NRG1: variants seen among roughly 807,000 people sequenced by gnomAD.
NRG1 encodes pro-neuregulin-1, membrane-bound isoform.
A neutral mutation model predicts 63.8 loss-of-function variants in NRG1; 18 were observed. The observed-to-expected ratio is 0.28, with a 90% CI of 0.19 to 0.42. The LOEUF is 0.42. NRG1 is among the 10% of genes least tolerant of loss of function. The pLI is 1.00. For synonymous variants in NRG1, 302 were observed against 301.3 expected (o/e 1.00, Z -0.02); for missense variants, 762 against 814.7 (o/e 0.94, Z 0.79).
At chr8:31,910,132 A>G (rs776394) in intron 1 of NRG1, among the ~76,000 whole-genome samples, 33,663 of 152,188 alleles carry the variant, frequency 0.22, 5,731 homozygotes, top group African/African-American at 0.48. Flanking sequence ...ACTCTGGGGA[A>G]ACAATATTTA....
chr8:31,920,006 G>A (rs1383908376), intron 1 of NRG1, among the ~76,000 whole-genome samples: 2 of 152,098 alleles, frequency 1.3e-5, no homozygotes, highest in Non-Finnish European at 2.9e-5. Context: ...CTGTTAGAAT[G>A]GTAGAATGGG....
chr8:31,705,520 C>T (rs761810888), intron 1 of NRG1, among the ~76,000 whole-genome samples: 2 of 152,134 alleles, frequency 1.3e-5, no homozygotes, highest in Admixed American at 6.5e-5. Context: ...ATGGAGAAAG[C>T]CTGTGTTCCT....
chr8:31,730,420 C>T (rs1012602121), intron 1 of NRG1, among the ~76,000 whole-genome samples: 3 of 152,122 alleles, frequency 2.0e-5, no homozygotes, highest in African/African-American at 7.2e-5. Context: ...GACACATTCA[C>T]TCATGCCCAT....
chr8:32,638,663 C>G (rs1851781620), intron 5 of NRG1, among the ~76,000 whole-genome samples: 1 of 152,164 alleles, frequency 6.6e-6, no homozygotes, highest in African/African-American at 2.4e-5. Flanking sequence ...AAATCTGACT[C>G]TAGCAACCTA....
At chr8:31,712,984 C>T (rs58179738) in intron 1 of NRG1, among the ~76,000 whole-genome samples, 26,812 of 132,570 alleles carry the variant, frequency 0.2, 3,290 homozygotes, top group East Asian at 0.64. Context: ...CATCCATCCA[C>T]CCATCCATCC....
intron 1 of NRG1, among the ~76,000 whole-genome samples, chr8:31,898,807 G>A (rs1005339280): frequency 2.0e-5 from 3 of 152,146 alleles, no homozygotes; most frequent in Non-Finnish European, 4.4e-5. Context: ...ATAAAATAAA[G>A]GTAATCTCCA....
chr8:31,791,416 A>G (rs905049053), intron 1 of NRG1, among the ~76,000 whole-genome samples: 1 of 152,082 alleles, frequency 6.6e-6, no homozygotes, highest in Non-Finnish European at 1.5e-5. Flanking sequence ...CTATATTAAC[A>G]CCATAGGGAA....
chr8:31,698,251 A>AT (rs764094682), intron 1 of NRG1, among the ~76,000 whole-genome samples: 1 of 152,084 alleles, frequency 6.6e-6, no homozygotes, highest in Non-Finnish European at 1.5e-5. Flanking sequence ...GAGATGTTTG[A>AT]TTTTATCCTT....
At chr8:32,273,909 A>G (rs555231456) in intron 1 of NRG1, among the ~76,000 whole-genome samples, 1 of 152,356 alleles carries the variant, frequency 6.6e-6, no homozygotes, top group East Asian at 1.9e-4. Flanking sequence ...TCTCCTGTCC[A>G]TAGAACAATT....
At chr8:31,757,617 A>G (rs1817103141) in intron 1 of NRG1, among the ~76,000 whole-genome samples, 2 of 152,110 alleles carry the variant, frequency 1.3e-5, no homozygotes, top group South Asian at 4.1e-4. Context: ...ATAAGACTTG[A>G]AGAAATCTTA....
intron 1 of NRG1, among the ~76,000 whole-genome samples, chr8:31,728,135 G>T (rs964166679): frequency 7.9e-5 from 12 of 152,144 alleles, no homozygotes; most frequent in Admixed American, 5.2e-4. Flanking sequence ...CTGAAACCAT[G>T]AGAAGTGAAA....
intron 1 of NRG1, among the ~76,000 whole-genome samples, chr8:31,820,833 TC>T (rs1823933994): frequency 6.6e-6 from 1 of 152,188 alleles, no homozygotes; most frequent in African/African-American, 2.4e-5. Context: ...ATTCATGCTG[TC>T]TGGATATACA....
intron 7 of NRG1, among the ~76,000 whole-genome samples, chr8:32,753,325 T>A (rs535965605): frequency 6.6e-6 from 1 of 152,308 alleles, no homozygotes; most frequent in East Asian, 1.9e-4. Flanking sequence ...GTTAAGAACC[T>A]GACCTACCTT....
intron 1 of NRG1, among the ~76,000 whole-genome samples, chr8:32,069,446 A>G (rs1825411449): frequency 6.6e-6 from 1 of 152,238 alleles, no homozygotes; most frequent in Admixed American, 6.5e-5. Context: ...TAAGGTGCAG[A>G]AAATGCTTAT....
chr8:32,642,460 C>T (rs749702996), intron 5 of NRG1, among the ~76,000 whole-genome samples: 23 of 152,218 alleles, frequency 1.5e-4, no homozygotes, highest in South Asian at 4.2e-4. Context: ...GGAAGGGCTT[C>T]GTCAAGGAGC....
chr8:31,686,503 T>A (rs530776369), intron 1 of NRG1, among the ~76,000 whole-genome samples: 1 of 152,280 alleles, frequency 6.6e-6, no homozygotes, highest in Admixed American at 6.5e-5. Context: ...CACTTCAACA[T>A]CAATAAAAAA....
At chr8:31,936,847 A>G (rs1429920403) in intron 1 of NRG1, among the ~76,000 whole-genome samples, 1 of 152,194 alleles carries the variant, frequency 6.6e-6, no homozygotes, top group East Asian at 1.9e-4. Flanking sequence ...AATGCATGTC[A>G]TAAGAACTTT....
At chr8:31,652,401 G>C (rs143116017) in intron 1 of NRG1, among the ~76,000 whole-genome samples, 24 of 152,250 alleles carry the variant, frequency 1.6e-4, no homozygotes, top group African/African-American at 4.1e-4. Context: ...AGAATAGATG[G>C]TACTGTGCTT....
At chr8:31,658,959 A>T (rs896078921) in intron 1 of NRG1, among the ~76,000 whole-genome samples, 3 of 152,220 alleles carry the variant, frequency 2.0e-5, no homozygotes, top group African/African-American at 7.2e-5. Flanking sequence ...GTCCTTTGAC[A>T]GGGTGCTGCT....
Sources: gnomAD v4.1 joint callset for allele counts (sites outside exome capture counted in the v4.1 genomes callset) on GRCh38, gnomAD v4.1.1 for gene constraint, MANE v1.5 for transcripts, NCBI Gene and HGNC (gene_info 2026-07-23, HGNC 2026-07-21) for gene names.